FREM2: variants seen among roughly 807,000 people sequenced by gnomAD.
FREM2 encodes FRAS1 related extracellular matrix 2, also known as FRAS1-related extracellular matrix protein 2.
In FREM2, 119 loss-of-function variants were observed where a neutral mutation model predicts 219.9. The observed-to-expected ratio is 0.54, with a 90% CI of 0.47 to 0.63. The LOEUF is 0.63. Among genes scored for constraint, FREM2 ranks in the 30% least tolerant of loss-of-function variants. The pLI is 0.00. For synonymous variants in FREM2, 1,562 were observed against 1,522.8 expected (o/e 1.03, Z -0.60); for missense variants, 4,030 against 3,993.6 (o/e 1.01, Z -0.25).
intron 4 of FREM2, among the ~76,000 whole-genome samples, chr13:38,780,465 A>G (rs73184762): frequency 0.043 from 6,556 of 152,134 alleles, 177 homozygotes; most frequent in Non-Finnish European, 0.068. Context: ...TGGTTGCAAA[A>G]TCTCCTGATC....
chr13:38,706,569 A>C (rs534194360), intron 2 of FREM2, among the ~76,000 whole-genome samples: 1 of 152,322 alleles, frequency 6.6e-6, no homozygotes, highest in African/African-American at 2.4e-5. Flanking sequence ...ACTCCTAACA[A>C]GTTCCTTCAA....
Position 38,692,148 on chromosome 13 carries a change from A to T in FREM2, c.4804A>T (p.Ile1602Phe). Residue 1602 changes from isoleucine (I) to phenylalanine (F), a missense_variant, in exon 1 of 24, where the codon ATC becomes TTC. This residue lies in a region of FREM2 where 3,102 missense variants were observed against 2,950.7 expected (regional missense o/e 1.05). Coordinates refer to ENST00000280481, the MANE Select transcript of FREM2 (RefSeq NM_207361.6). ...CAAGCAAGACTTGAATGAAAACTTA[A>T]TCAGCTACAAACATGATGGCACTGA... Reference protein sequence around the residue: ...FTKQDLNENLISYKHDGTESS... With the variant: ...FTKQDLNENLFSYKHDGTESS... 1 of 1,614,240 alleles carries T rather than the reference A, an allele frequency of 6.2e-7. No homozygotes were observed. The highest frequency in any genetic ancestry group is 8.5e-7 in the Non-Finnish European group (1 of 1,180,042).
At chr13:38,825,376 A>G (rs1222007787) in intron 6 of FREM2, among the ~76,000 whole-genome samples, 1 of 152,002 alleles carries the variant, frequency 6.6e-6, no homozygotes, top group South Asian at 2.1e-4. Flanking sequence ...TCTTCCTATT[A>G]CTTACTGTTT....
At chr13:38,795,977 TTC>T (rs1222019245) in intron 6 of FREM2, among the ~76,000 whole-genome samples, 3 of 151,950 alleles carry the variant, frequency 2.0e-5, no homozygotes, top group Non-Finnish European at 4.4e-5. Context: ...CACGATAGTT[TTC>T]TTTCTTTCTT....
In FREM2 at chr13:38,876,164, C is replaced by G; in HGVS notation, c.8409+15C>G. 1 of 1,614,058 alleles carries G rather than the reference C, an allele frequency of 6.2e-7. No individual in the cohort carries two copies. Among genetic ancestry groups the G allele is most frequent in the Non-Finnish European group, 8.5e-7 (1 of 1,180,002 alleles). Reference sequence around the variant, plus strand: ...CTGACTTTGCCGTAAGTGACTAAGACTCTTAATTAATTTTCTTCTGCTGCT... The same window carrying G: ...CTGACTTTGCCGTAAGTGACTAAGAGTCTTAATTAATTTTCTTCTGCTGCT... On this transcript the variant is annotated intron_variant, in intron 19 of 23. Coordinates refer to ENST00000280481, the MANE Select transcript of FREM2 (RefSeq NM_207361.6).
intron 2 of FREM2, among the ~76,000 whole-genome samples, chr13:38,746,933 G>C (rs528536460): frequency 1.3e-5 from 2 of 152,312 alleles, no homozygotes; most frequent in South Asian, 4.1e-4. Flanking sequence ...GTAGAAACCA[G>C]TGCAGAGTTC....
chr13:38,716,040 G>A (rs192858887), intron 2 of FREM2, among the ~76,000 whole-genome samples: 2 of 152,056 alleles, frequency 1.3e-5, no homozygotes, highest in Non-Finnish European at 2.9e-5. Context: ...AAGCAAGAAG[G>A]CAAATGATTT....
intron 2 of FREM2, among the ~76,000 whole-genome samples, chr13:38,703,461 A>G (rs1209243870): frequency 6.6e-6 from 1 of 152,176 alleles, no homozygotes; most frequent in East Asian, 1.9e-4. Flanking sequence ...GTCTACTAGA[A>G]TACAGATCTT....
At chr13:38,708,755 A>ATGTTT (rs370923397) in intron 2 of FREM2, among the ~76,000 whole-genome samples, 35 of 151,916 alleles carry the variant, frequency 2.3e-4, no homozygotes, top group African/African-American at 6.5e-4. Flanking sequence ...ATAACTCTCA[A>ATGTTT]TGTTTTGTTT....
intron 8 of FREM2, 103 bp downstream of exon 8, chr13:38,848,773 G>A (rs1030917135): frequency 9.4e-7 from 1 of 1,062,966 alleles, no homozygotes; most frequent in Non-Finnish European, 1.4e-6. Flanking sequence ...TTGTTTGTTT[G>A]CTAGGGCTTC....
At chr13:38,787,489 C>T (rs948992445) in intron 6 of FREM2, among the ~76,000 whole-genome samples, 1 of 152,062 alleles carries the variant, frequency 6.6e-6, no homozygotes, top group African/African-American at 2.4e-5. Context: ...TAACCTCCTC[C>T]CACACCTTTT....
In FREM2 at chr13:38,846,555, C is replaced by A; in HGVS notation, c.6020-18C>A. ...AAAATAAAAATAACAGAAATGATTT[C>A]TGTTCCTTTCTTAACAGAACCCATC... On this transcript the variant is annotated intron_variant, in intron 6 of 23. Transcript: ENST00000280481. The A allele has an allele frequency of 6.2e-7, 1 of 1,612,014 alleles. No individual in the cohort carries two copies. Among genetic ancestry groups the A allele is most frequent in the Non-Finnish European group, 8.5e-7 (1 of 1,178,682 alleles).
intron 1 of FREM2, among the ~76,000 whole-genome samples, chr13:38,695,094 G>T (rs1232231953): frequency 6.6e-6 from 1 of 152,126 alleles, no homozygotes; most frequent in Non-Finnish European, 1.5e-5. Context: ...ATAATTCTTA[G>T]ATATTTGCTT....
At chr13:38,789,222 C>T (rs1431175860) in intron 6 of FREM2, among the ~76,000 whole-genome samples, 3 of 151,828 alleles carry the variant, frequency 2.0e-5, no homozygotes, top group Non-Finnish European at 4.4e-5. Context: ...AATTATAAAT[C>T]TGCCTGTATG....
At chr13:38,731,389 TGAATATTGGCCAA>T (rs1871762765) in intron 2 of FREM2, among the ~76,000 whole-genome samples, 1 of 152,168 alleles carries the variant, frequency 6.6e-6, no homozygotes, top group East Asian at 1.9e-4. Flanking sequence ...AAGATACCAG[TGAATATTGGCCAA>T]GAAGCAAGTT....
chr13:38,828,939 G>A (rs1593432621), intron 6 of FREM2, among the ~76,000 whole-genome samples: 1 of 151,940 alleles, frequency 6.6e-6, no homozygotes, highest in African/African-American at 2.4e-5. Context: ...CACATATGCA[G>A]GGTGTCATTT....
chr13:38,754,894 TGATG>T (rs1566129708), intron 2 of FREM2, among the ~76,000 whole-genome samples: 25 of 128,138 alleles, frequency 2.0e-4, no homozygotes, highest in African/African-American at 6.0e-4. Flanking sequence ...ATGATGATGA[TGATG>T]ATGATTATTA....
At chr13:38,731,919 A>C (rs1183801093) in intron 2 of FREM2, among the ~76,000 whole-genome samples, 3 of 152,244 alleles carry the variant, frequency 2.0e-5, no homozygotes, top group African/African-American at 7.2e-5. Context: ...TAGTGAAAAG[A>C]AATCCCATGA....
At chr13:38,708,826 C>T (rs1403821630) in intron 2 of FREM2, among the ~76,000 whole-genome samples, 1 of 152,112 alleles carries the variant, frequency 6.6e-6, no homozygotes, top group African/African-American at 2.4e-5. Flanking sequence ...ATGGTGCGAT[C>T]TTGGCTCACT....
Sources: allele counts gnomAD v4.1 joint callset (sites outside exome capture counted in the v4.1 genomes callset), GRCh38; gene constraint gnomAD v4.1.1; regional missense constraint gnomAD v4.1.1; transcripts MANE v1.5; gene names NCBI Gene and HGNC (gene_info 2026-07-23, HGNC 2026-07-21).